The following NLGN1 variants were observed in gnomAD, a reference collection of about 807,000 sequenced individuals.
The protein encoded by NLGN1 is neuroligin 1, also known as neuroligin-1.
A neutral mutation model predicts 65.5 loss-of-function variants in NLGN1; 12 were observed. That is an observed-to-expected ratio of 0.18 (90% CI 0.12 to 0.30). The LOEUF (loss-of-function observed/expected upper bound fraction) is 0.30. NLGN1 is among the 10% of genes least tolerant of loss of function. The pLI, the probability that NLGN1 is intolerant of heterozygous loss-of-function variation, is 1.00. For missense variants in NLGN1, 750 were observed against 1,007.1 expected (o/e 0.74, Z 3.46); for synonymous variants, 350 against 359.5 (o/e 0.97, Z 0.30).
upstream of NLGN1, chr3:173,397,691 C>G (rs1383043067): frequency 6.6e-6 from 1 of 152,370 alleles, no homozygotes; most frequent in African/African-American, 2.4e-5. Context: ...CGCCTCCCCG[C>G]GGAGGGTTGA....
intron 4 of NLGN1, among the ~76,000 whole-genome samples, chr3:174,196,175 G>T (rs1425176962): frequency 2.0e-5 from 3 of 152,148 alleles, no homozygotes; most frequent in Non-Finnish European, 4.4e-5. Flanking sequence ...ATTCACAAAT[G>T]CCTATCATGT....
intron 3 of NLGN1, among the ~76,000 whole-genome samples, chr3:173,788,943 AT>A (rs2150356063): frequency 6.6e-6 from 1 of 151,448 alleles, no homozygotes; most frequent in African/African-American, 2.4e-5. Context: ...CACGCCTGTA[AT>A]CCCAGCACTT....
intron 4 of NLGN1, among the ~76,000 whole-genome samples, chr3:174,088,413 T>C (rs1344769022): frequency 6.6e-6 from 1 of 152,152 alleles, no homozygotes; most frequent in African/African-American, 2.4e-5. Context: ...TTTATCAAAC[T>C]GTCAAAAGAA....
Position 174,255,435 on chromosome 3 carries a change from C to CAA in NLGN1, c.647-19860_647-19859dup, listed in dbSNP as rs71162383. Among the ~76,000 whole-genome samples the CAA allele has an allele frequency of 5.8e-4, 41 of 70,202 alleles. 4 individuals carry two copies. The highest frequency in any genetic ancestry group is 1.7e-3 in the African/African-American group (22 of 12,944). 46.1% of individuals were successfully genotyped at this position (70,202 alleles called of 152,430 possible). ...TAGGCGATAGAGCAAGACTCTGTCTCAAAAAAAAAAAAAAAAAAAAAGCGC... is the reference window on the plus strand; with the variant it reads ...TAGGCGATAGAGCAAGACTCTGTCTCAAAAAAAAAAAAAAAAAAAAAAAGCGC... On this transcript the variant is annotated intron_variant, in intron 4 of 6. Coordinates refer to ENST00000457714, the Ensembl canonical transcript of NLGN1.
At chr3:174,148,865 A>G (rs945349732) in intron 4 of NLGN1, among the ~76,000 whole-genome samples, 1 of 152,180 alleles carries the variant, frequency 6.6e-6, no homozygotes, top group Admixed American at 6.5e-5. Context: ...ACATTTCCAC[A>G]ATTATATTAT....
chr3:173,495,537 A>G lies in NLGN1; in HGVS notation c.-321+60459A>G, dbSNP rs919344789. 1.6e-4 allele frequency among the ~76,000 whole-genome samples: 24 copies of G among 151,394 alleles called. 1 individual carries two copies. The highest frequency in any genetic ancestry group is 2.4e-4 in the African/African-American group (10 of 41,076). ...CAGTGGGTGAGTTGTGAGACTATAC[A>G]TCATTACCTTTGTCTTAATTTTAGG... On this transcript the variant is annotated intron_variant, in intron 2 of 6. Coordinates refer to ENST00000457714, the Ensembl canonical transcript of NLGN1.
chr3:174,151,197 A>C (rs887680393), intron 4 of NLGN1, among the ~76,000 whole-genome samples: 1 of 151,964 alleles, frequency 6.6e-6, no homozygotes. Context: ...GAAACATTGG[A>C]TTATATAAAA....
chr3:173,436,783 G>A lies in NLGN1; in HGVS notation c.-321+1705G>A, dbSNP rs535664317. Among the ~76,000 whole-genome samples, 272 of 152,196 alleles carry A rather than the reference G, an allele frequency of 1.8e-3. 1 individual carries two copies. Among genetic ancestry groups the A allele is most frequent in the Non-Finnish European group, 2.9e-3 (200 of 68,004 alleles). On this transcript the variant is annotated intron_variant, in intron 2 of 6. Coordinates refer to ENST00000457714, the Ensembl canonical transcript of NLGN1. ...GAGTTTGGGTTAAAACCCCATCCCC[G>A]CCATTCTTTCCTGCTCTAAGCCATG...
chr3:174,118,710 A>C (rs1399527896), intron 4 of NLGN1, among the ~76,000 whole-genome samples: 1 of 152,112 alleles, frequency 6.6e-6, no homozygotes, highest in Non-Finnish European at 1.5e-5. Flanking sequence ...GCATGTGCCT[A>C]CCTTCATGAT....
At chr3:173,879,637 TG>T (rs1052499813) in intron 4 of NLGN1, among the ~76,000 whole-genome samples, 12 of 141,370 alleles carry the variant, frequency 8.5e-5, no homozygotes, top group African/African-American at 2.8e-4. Flanking sequence ...TTTTTCTGTG[TG>T]TTTTTTTTTT....
intron 2 of NLGN1, among the ~76,000 whole-genome samples, chr3:173,488,128 A>G (rs1305314832): frequency 6.6e-6 from 1 of 151,890 alleles, no homozygotes. Flanking sequence ...AGATTTTTTA[A>G]CACTCTTACT....
At chr3:173,991,115 C>T in intron 4 of NLGN1, among the ~76,000 whole-genome samples, 1 of 152,054 alleles carries the variant, frequency 6.6e-6, no homozygotes, top group East Asian at 1.9e-4. Flanking sequence ...GTTGTACATT[C>T]CTTGAGTTTC....
chr3:174,129,165 A>G (rs1719589356), intron 4 of NLGN1, among the ~76,000 whole-genome samples: 1 of 152,120 alleles, frequency 6.6e-6, no homozygotes, highest in Non-Finnish European at 1.5e-5. Flanking sequence ...TTGGTTTCAG[A>G]AATATCAGTC....
At chr3:173,504,024 T>C (rs1731595920) in intron 2 of NLGN1, among the ~76,000 whole-genome samples, 2 of 152,110 alleles carry the variant, frequency 1.3e-5, no homozygotes, top group Non-Finnish European at 2.9e-5. Context: ...ATCTGATAAT[T>C]AGGAGGTTTA....
chr3:174,179,027 T>G (rs1729929440), intron 4 of NLGN1, among the ~76,000 whole-genome samples: 2 of 152,138 alleles, frequency 1.3e-5, no homozygotes, highest in African/African-American at 2.4e-5. Flanking sequence ...AAGTCAGTAG[T>G]TATTATTACC....
chr3:173,684,066 ATTG>A lies in NLGN1; in HGVS notation c.493+78978_493+78980del, dbSNP rs573659943. ...AACAGTTCACAGTAAACAAAAGTATATTGTTATTATTACTTAATTGTATATAAC... is the reference window on the plus strand; with the variant it reads ...AACAGTTCACAGTAAACAAAAGTATATTATTATTACTTAATTGTATATAAC... On this transcript the variant is annotated intron_variant, in intron 3 of 6. Coordinates refer to ENST00000457714, the Ensembl canonical transcript of NLGN1. Among the ~76,000 whole-genome samples, 588 of 152,214 alleles carry A rather than the reference ATTG, an allele frequency of 3.9e-3. 4 individuals are homozygous for A. In the Middle Eastern group the frequency reaches 0.048, roughly 12 times the overall value.
At chr3:173,796,039 A>T (rs1713989896) in intron 3 of NLGN1, among the ~76,000 whole-genome samples, 1 of 152,086 alleles carries the variant, frequency 6.6e-6, no homozygotes. Flanking sequence ...CTTGAGAAGG[A>T]CGCATTTCTA....
At chr3:173,899,211 A>C (rs561708535) in intron 4 of NLGN1, among the ~76,000 whole-genome samples, 1 of 152,228 alleles carries the variant, frequency 6.6e-6, no homozygotes, top group East Asian at 1.9e-4. Context: ...TTTTGGGGTA[A>C]ATACATTTTA....
intron 2 of NLGN1, among the ~76,000 whole-genome samples, chr3:173,509,949 T>A (rs186499757): frequency 1.6e-4 from 24 of 152,304 alleles, no homozygotes; most frequent in African/African-American, 5.5e-4. Context: ...CCAATTTCAA[T>A]GGATGTGAAG....
Sources: allele counts gnomAD v4.1 joint callset (sites outside exome capture counted in the v4.1 genomes callset), GRCh38; gene constraint gnomAD v4.1.1; transcripts MANE v1.5; gene names NCBI Gene and HGNC (gene_info 2026-07-23, HGNC 2026-07-21).